Variants in ATP8B4 observed in about 807,000 individuals in gnomAD.
ATP8B4 encodes probable phospholipid-transporting ATPase IM.
ATP8B4 carries 133 observed loss-of-function variants against 145.6 expected under a neutral mutation model. The observed-to-expected ratio is 0.91, with a 90% CI of 0.79 to 1.05. The LOEUF (loss-of-function observed/expected upper bound fraction) is 1.05. ATP8B4 is among the 50% of genes least tolerant of loss of function. The pLI, the probability that ATP8B4 is intolerant of heterozygous loss-of-function variation, is 0.00. For synonymous variants in ATP8B4, 507 were observed against 492.9 expected, an observed-to-expected ratio of 1.03 and a Z score of -0.38; for missense variants, 1,458 against 1,425.2, an observed-to-expected ratio of 1.02 and a Z score of -0.37.
chr15:50,157,489 A>G (rs540342001), intron 1 of ATP8B4, among the ~76,000 whole-genome samples: 1 of 152,292 alleles, frequency 6.6e-6, no homozygotes, highest in Non-Finnish European at 1.5e-5. Flanking sequence ...TTACGGTACA[A>G]ATAGTTTTTG....
intron 14 of ATP8B4, among the ~76,000 whole-genome samples, chr15:49,945,233 G>T (rs1183113054): frequency 6.6e-6 from 1 of 152,016 alleles, no homozygotes; most frequent in African/African-American, 2.4e-5. Flanking sequence ...CTTACGAAAA[G>T]TTATAGACCA....
chr15:50,143,579 T>C (rs954639876), intron 1 of ATP8B4, among the ~76,000 whole-genome samples: 2 of 109,926 alleles, frequency 1.8e-5, no homozygotes, highest in South Asian at 2.9e-4. Context: ...CCATCAGTTA[T>C]TGACTATACA....
intron 2 of ATP8B4, among the ~76,000 whole-genome samples, chr15:50,088,970 C>G (rs2055407812): frequency 6.6e-6 from 1 of 152,120 alleles, no homozygotes; most frequent in African/African-American, 2.4e-5. Context: ...GTCTATGTGT[C>G]TGTTTTTGTA....
intron 25 of ATP8B4, among the ~76,000 whole-genome samples, chr15:49,868,421 T>C (rs2033150386): frequency 6.6e-6 from 1 of 152,158 alleles, no homozygotes; most frequent in African/African-American, 2.4e-5. Context: ...TCTGAAGAAA[T>C]TACTCAAGGA....
At chr15:49,911,851 A>G (rs185087801) in intron 20 of ATP8B4, among the ~76,000 whole-genome samples, 384 of 152,296 alleles carry the variant, frequency 2.5e-3, no homozygotes, top group Admixed American at 6.3e-3. Context: ...TCAGACCACA[A>G]TGGAATGAAA....
At chr15:50,091,721 TACTC>T (rs1175527914) in intron 2 of ATP8B4, among the ~76,000 whole-genome samples, 1 of 152,132 alleles carries the variant, frequency 6.6e-6, no homozygotes, top group Admixed American at 6.6e-5. Flanking sequence ...TTTCATTTCT[TACTC>T]ATACATCTTC....
intron 1 of ATP8B4, among the ~76,000 whole-genome samples, chr15:50,124,687 T>C (rs997977133): frequency 2.2e-4 from 34 of 152,194 alleles, no homozygotes; most frequent in African/African-American, 7.7e-4. Context: ...ATCTGGACTT[T>C]CCCTCAAGGG....
rs75362855 is a variant in ATP8B4 at position 50,157,483 on chromosome 15, G to A, written c.-43+24778C>T. On this transcript the variant is annotated intron_variant, in intron 1 of 3. Transcript: ENST00000558829. ...TCTTTTTTATTTCAATAGCTTTTAC[G>A]GTACAAATAGTTTTTGGTTACACGG... Among the ~76,000 whole-genome samples, 728 of 152,148 alleles carry A rather than the reference G, an allele frequency of 4.8e-3. 13 individuals carry two copies. Among genetic ancestry groups the A allele is most frequent in the Admixed American group, 0.036 (553 of 15,282 alleles).
intron 21 of ATP8B4, among the ~76,000 whole-genome samples, chr15:49,900,157 T>G (rs1311362500): frequency 2.0e-5 from 3 of 152,350 alleles, no homozygotes; most frequent in African/African-American, 7.2e-5. Context: ...GGACAAACTT[T>G]CAACTGAGTT....
chr15:49,863,604 T>G (rs895720943), intron 26 of ATP8B4, among the ~76,000 whole-genome samples: 2 of 152,212 alleles, frequency 1.3e-5, no homozygotes, highest in Non-Finnish European at 2.9e-5. Flanking sequence ...GGCTACTGAA[T>G]GGTATGTCTG....
Position 50,003,274 on chromosome 15 carries a change from ATGTGTGTG to A in ATP8B4, c.436-1059_436-1052del, listed in dbSNP as rs10539979. 6.1e-3 allele frequency among the ~76,000 whole-genome samples: 857 copies of A among 141,192 alleles called. 6 individuals are homozygous for A. The highest frequency in any genetic ancestry group is 0.021 in the African/African-American group (820 of 38,344). The allele number at this position is 141,192 out of a possible 152,430, so 92.6% of individuals were successfully genotyped here. On this transcript the variant is annotated intron_variant, in intron 7 of 27. Transcript: ENST00000284509. ...TTTGCAACTCAAAAATAGGGTGTGC[ATGTGTGTG>A]TGTGTGTGTGTGTGTGTGTGTGTGT...
At chr15:49,983,852 A>G (rs960438417) in intron 10 of ATP8B4, among the ~76,000 whole-genome samples, 3 of 151,920 alleles carry the variant, frequency 2.0e-5, no homozygotes, top group Admixed American at 2.0e-4. Flanking sequence ...TTCTTTTTTG[A>G]CCTCACTTTC....
chr15:50,058,844 T>G (rs369151004), intron 3 of ATP8B4, among the ~76,000 whole-genome samples: 57 of 143,762 alleles, frequency 4.0e-4, no homozygotes, highest in African/African-American at 1.3e-3. Flanking sequence ...GGCTTTGTGG[T>G]TTTTTTTTTG....
Position 49,901,229 on chromosome 15 carries a change from G to A in ATP8B4, c.2152C>T (p.Gln718Ter), listed in dbSNP as rs1484330086. The A allele has an allele frequency of 2.5e-6, 4 of 1,612,864 alleles. No homozygotes were observed. In the African/African-American group the frequency reaches 4.0e-5, roughly 16 times the overall value. Residue 718 changes from glutamine (Q) to a stop codon, truncating the protein, a stop_gained, in exon 21 of 28, where the codon CAA (glutamine) becomes TAA (stop). Coordinates refer to ENST00000284509, the MANE Select transcript of ATP8B4 (RefSeq NM_024837.4). LOFTEE classifies it high-confidence loss of function. ...EVREELRKAKQNLFGQNRNFS... is the reference protein window; with the variant it reads ...EVREELRKAK Reference sequence around the variant, plus strand: ...TTTCTGTTTTGTCCAAACAAATTTTGTTTTGCTTTCCTTAAAGGAGAGGGT... The same window carrying A: ...TTTCTGTTTTGTCCAAACAAATTTTATTTTGCTTTCCTTAAAGGAGAGGGT...
At chr15:49,941,099 T>C (rs1044286357) in intron 14 of ATP8B4, among the ~76,000 whole-genome samples, 3 of 151,902 alleles carry the variant, frequency 2.0e-5, no homozygotes, top group Non-Finnish European at 2.9e-5. Context: ...GAGTAGACAT[T>C]TATAGGGGAG....
chr15:49,973,035 T>C (rs1195443277), intron 12 of ATP8B4, among the ~76,000 whole-genome samples: 1 of 152,162 alleles, frequency 6.6e-6, no homozygotes, highest in East Asian at 1.9e-4. Context: ...TTAGGGAATG[T>C]TTCCTGGTTT....
chr15:49,938,361 A>G (rs571020936), intron 14 of ATP8B4, among the ~76,000 whole-genome samples: 2 of 152,232 alleles, frequency 1.3e-5, no homozygotes, highest in South Asian at 2.1e-4. Flanking sequence ...AAAACAAGAG[A>G]CCCATCTCAC....
chr15:50,144,296 G>A (rs1481484015), intron 1 of ATP8B4, among the ~76,000 whole-genome samples: 1 of 152,122 alleles, frequency 6.6e-6, no homozygotes, highest in African/African-American at 2.4e-5. Flanking sequence ...TAATTATATT[G>A]AACATGATAG....
intron 1 of ATP8B4, among the ~76,000 whole-genome samples, chr15:50,148,877 T>C (rs1427839547): frequency 6.6e-6 from 1 of 152,212 alleles, no homozygotes; most frequent in Non-Finnish European, 1.5e-5. Flanking sequence ...AATTCTCTTG[T>C]TTTAAGTGAT....
Sources: allele counts gnomAD v4.1 joint callset (sites outside exome capture counted in the v4.1 genomes callset), GRCh38; gene constraint gnomAD v4.1.1; transcripts MANE v1.5; gene names NCBI Gene and HGNC (gene_info 2026-07-23, HGNC 2026-07-21).